The following ALG9 variants were observed in gnomAD, a reference collection of about 807,000 sequenced individuals.
ALG9 encodes ALG9 alpha-1,2-mannosyltransferase, also known as alpha-1,2-mannosyltransferase ALG9.
In ALG9, 55 loss-of-function variants were observed where a neutral mutation model predicts 81.8. The ratio of observed to expected loss-of-function variants is 0.67; its 90% confidence interval spans 0.54 to 0.84. ALG9 has a LOEUF of 0.84. Among genes scored for constraint, ALG9 ranks in the 40% least tolerant of loss-of-function variants. ALG9 has a pLI of 0.00. For missense variants in ALG9, 629 were observed against 745.0 expected (o/e 0.84, Z 1.81); for synonymous variants, 278 against 274.3 (o/e 1.01, Z -0.13).
At chr11:111,866,748 T>G (rs1425309306) in intron 3 of ALG9, among the ~76,000 whole-genome samples, 1 of 151,634 alleles carries the variant, frequency 6.6e-6, no homozygotes, top group African/African-American at 2.4e-5. Context: ...GTTAGTTTTC[T>G]GCTGAGCCCT....
intron 14 of ALG9, among the ~76,000 whole-genome samples, chr11:111,807,419 T>C (rs1283555810): frequency 1.3e-5 from 2 of 152,162 alleles, no homozygotes; most frequent in Non-Finnish European, 2.9e-5. Context: ...AAGTCTTTGT[T>C]TGAATATCAT....
At chr11:111,805,450 T>C (rs1949781555) in intron 14 of ALG9, 1 of 405,898 alleles carries the variant, frequency 2.5e-6, no homozygotes, top group East Asian at 7.2e-5. Flanking sequence ...CTGTGGCACA[T>C]CCAGACAATG....
In ALG9 at chr11:111,860,622, T is replaced by G; in HGVS notation, c.490A>C (p.Lys164Gln). The change falls in exon 5 of 15, where the codon AAG becomes CAG. Residue 164 changes from lysine to glutamine, a missense_variant. Coordinates refer to ENST00000616540, the MANE Select transcript of ALG9 (RefSeq NM_024740.2). Reference sequence around the variant, plus strand: ...ATTCGACTCACGTGCAACCCAAACTTCTTGCACACAGCCCTAGGAAAAAGG... The same window carrying G: ...ATTCGACTCACGTGCAACCCAAACTGCTTGCACACAGCCCTAGGAAAAAGG... ...ELYFYKAVCK[K>Q]FGLHVSRMML... is the part of the protein sequence containing the mutation. 6.2e-7 allele frequency: 1 copy of G among 1,613,608 alleles called. No homozygotes were observed. The highest frequency in any genetic ancestry group is 2.2e-5 in the East Asian group (1 of 44,874).
intron 4 of ALG9, among the ~76,000 whole-genome samples, 185 bp from the exon 5 acceptor site, chr11:111,860,820 G>T (rs1156266609): frequency 6.6e-6 from 1 of 152,188 alleles, no homozygotes; most frequent in Non-Finnish European, 1.5e-5. Flanking sequence ...TGACACAGAA[G>T]AGAAGCTCCC....
intron 12 of ALG9, among the ~76,000 whole-genome samples, chr11:111,836,958 C>T (rs1450865958): frequency 6.6e-6 from 1 of 152,126 alleles, no homozygotes; most frequent in Non-Finnish European, 1.5e-5. Context: ...AAGCAAACTA[C>T]AAAGAACTTT....
chr11:111,792,655 A>G (rs1392730699), intron 14 of ALG9, among the ~76,000 whole-genome samples: 1 of 152,244 alleles, frequency 6.6e-6, no homozygotes, highest in Non-Finnish European at 1.5e-5. Flanking sequence ...ATCACAAGAA[A>G]TTCAGCATCA....
intron 8 of ALG9, among the ~76,000 whole-genome samples, chr11:111,848,255 T>C (rs1329354611): frequency 6.6e-6 from 1 of 152,170 alleles, no homozygotes; most frequent in Non-Finnish European, 1.5e-5. Flanking sequence ...GATATTGTAA[T>C]TAATATCTTT....
At chr11:111,839,128 A>G (rs1955802842) in intron 10 of ALG9, among the ~76,000 whole-genome samples, 1 of 152,216 alleles carries the variant, frequency 6.6e-6, no homozygotes, top group African/African-American at 2.4e-5. Context: ...TGAATAAATG[A>G]GCAACCTAAA....
intron 13 of ALG9, among the ~76,000 whole-genome samples, chr11:111,826,206 C>T (rs1953247626): frequency 6.6e-6 from 1 of 150,950 alleles, no homozygotes. Context: ...GGCAACATTG[C>T]CAGACCCTGT....
chr11:111,790,904 A>T (rs938853681), intron 14 of ALG9, among the ~76,000 whole-genome samples: 6 of 152,216 alleles, frequency 3.9e-5, no homozygotes, highest in Non-Finnish European at 8.8e-5. Flanking sequence ...TAGCAGTACC[A>T]ATTAAAACAA....
At chr11:111,792,294 G>T (rs1486779810) in intron 14 of ALG9, among the ~76,000 whole-genome samples, 2 of 152,216 alleles carry the variant, frequency 1.3e-5, no homozygotes, top group African/African-American at 4.8e-5. Flanking sequence ...TGTTTTATCT[G>T]CCAACATGTG....
At chr11:111,819,949 A>T (rs1952072408) in intron 13 of ALG9, among the ~76,000 whole-genome samples, 1 of 152,208 alleles carries the variant, frequency 6.6e-6, no homozygotes, top group Admixed American at 6.5e-5. Context: ...GCTGTTCAAA[A>T]CTATGACCAG....
At chr11:111,830,611 T>C (rs1189428582) in intron 13 of ALG9, among the ~76,000 whole-genome samples, 4 of 152,208 alleles carry the variant, frequency 2.6e-5, no homozygotes, top group African/African-American at 7.2e-5. Flanking sequence ...CTGTATATAT[T>C]ACAGCAATTT....
intron 14 of ALG9, among the ~76,000 whole-genome samples, chr11:111,801,490 TATA>T (rs1565676302): frequency 6.6e-6 from 1 of 152,272 alleles, no homozygotes; most frequent in African/African-American, 2.4e-5. Context: ...TTAACGTTTC[TATA>T]ATGTTTTAGA....
chr11:111,855,272 T>C (rs1958482780), intron 6 of ALG9, among the ~76,000 whole-genome samples: 1 of 152,228 alleles, frequency 6.6e-6, no homozygotes, highest in South Asian at 2.1e-4. Context: ...ATTTAGTTGT[T>C]GGGCTATACA....
At chr11:111,836,924 A>T (rs1955396067) in intron 12 of ALG9, among the ~76,000 whole-genome samples, 1 of 152,140 alleles carries the variant, frequency 6.6e-6, no homozygotes, top group Non-Finnish European at 1.5e-5. Flanking sequence ...TTTAACCTAC[A>T]CAGGACTCTT....
chr11:111,804,249 A>G (rs1388907877), intron 14 of ALG9, among the ~76,000 whole-genome samples: 5 of 152,198 alleles, frequency 3.3e-5, no homozygotes, highest in African/African-American at 7.2e-5. Context: ...TTTTAGATAC[A>G]ACACCAAAGG....
In ALG9 at chr11:111,817,868, G is replaced by A. The variant is rs566049786; in HGVS notation, c.1603-8095C>T. On this transcript the variant is annotated intron_variant, in intron 13 of 14. Coordinates refer to ENST00000616540, the MANE Select transcript of ALG9 (RefSeq NM_024740.2). ...CTCGGCTCACTGCAACCTCCACCTC[G>A]CAGGTTCAAGCGATTCTCCCCTGCC... Among the ~76,000 whole-genome samples, 38 of 148,964 alleles carry A rather than the reference G, an allele frequency of 2.6e-4. 2 individuals carry two copies. In the South Asian group the frequency reaches 7.0e-3, roughly 27 times the overall value.
Position 111,864,554 on chromosome 11 carries a change from C to G in ALG9, c.476+627G>C. 3 of 604,146 alleles carry G rather than the reference C, an allele frequency of 5.0e-6. No individual in the cohort carries two copies. The South Asian group carries it at 5.7e-5, about 12-fold the overall frequency. 37.4% of individuals were successfully genotyped at this position (604,146 alleles called of 1,614,324 possible). ...TTTGAAGCCTGTACAAAAGCTTATC[C>G]CTGTAGCACATGTGCTGTAATATAC... On this transcript the variant is annotated intron_variant, in intron 4 of 14. Transcript: ENST00000616540.
Sources: gnomAD v4.1 joint callset for allele counts (sites outside exome capture counted in the v4.1 genomes callset) on GRCh38, gnomAD v4.1.1 for gene constraint, MANE v1.5 for transcripts, NCBI Gene and HGNC (gene_info 2026-07-23, HGNC 2026-07-21) for gene names.